Variants in IL1RAPL1 observed in about 807,000 individuals in gnomAD.
IL1RAPL1 encodes the protein interleukin-1 receptor accessory protein-like 1.
A neutral mutation model predicts 48.4 loss-of-function variants in IL1RAPL1; 3 were observed. The observed-to-expected ratio is 0.06, with a 90% CI of 0.03 to 0.16. The LOEUF (loss-of-function observed/expected upper bound fraction) is 0.16, where lower values mean the gene tolerates loss of function less well. IL1RAPL1 is among the 10% of genes least tolerant of loss of function. The pLI, the probability that IL1RAPL1 is intolerant of heterozygous loss-of-function variation, is 1.00. For synonymous variants in IL1RAPL1, 185 were observed against 187.7 expected (o/e 0.99, Z 0.12); for missense variants, 349 against 530.6 (o/e 0.66, Z 3.36).
At position 29,883,767 on chromosome X, in the gene IL1RAPL1, A is replaced by G. The variant is rs1156835457; in HGVS notation, c.779-33697A>G. 4.4e-5 allele frequency among the ~76,000 whole-genome samples: 5 copies of G among 112,382 alleles called. No individual in the cohort carries two copies. In the Admixed American group the frequency reaches 4.7e-4, roughly 11 times the overall value. ...CTGCCATAATGCAGCAACACAGGGT[A>G]TGACCTGCATCAGGCTTCATGTTTT... On this transcript the variant is annotated intron_variant, in intron 6 of 10. Transcript: ENST00000378993.
At chrX:29,641,527 C>G (rs1325536357) in intron 5 of IL1RAPL1, among the ~76,000 whole-genome samples, 1 of 112,106 alleles carries the variant, frequency 8.9e-6, no homozygotes, top group African/African-American at 3.2e-5. Flanking sequence ...TCCTCACCAG[C>G]CTTTATAAAA....
At chrX:29,267,542 A>T (rs955838487) in intron 2 of IL1RAPL1, among the ~76,000 whole-genome samples, 1 of 111,775 alleles carries the variant, frequency 8.9e-6, no homozygotes, top group Non-Finnish European at 1.9e-5. Context: ...CATGAGAACT[A>T]TCAAAGTATC....
intron 6 of IL1RAPL1, among the ~76,000 whole-genome samples, chrX:29,748,031 C>T (rs1171345703): frequency 8.9e-6 from 1 of 111,940 alleles, no homozygotes; most frequent in Non-Finnish European, 1.9e-5. Context: ...TCTCTGCTAC[C>T]TCCATGATTT....
intron 3 of IL1RAPL1, among the ~76,000 whole-genome samples, chrX:29,356,251 T>C (rs1380316903): frequency 1.8e-5 from 2 of 110,937 alleles, no homozygotes; most frequent in African/African-American, 6.5e-5. Flanking sequence ...CACGTGTGTA[T>C]CCATATATGC....
chrX:29,653,407 A>G (rs1602347309), intron 5 of IL1RAPL1, among the ~76,000 whole-genome samples: 1 of 111,810 alleles, frequency 8.9e-6, no homozygotes, highest in Admixed American at 9.5e-5. Context: ...CAATGCTACT[A>G]AGAACAAATT....
At chrX:29,565,416 A>C (rs1305505592) in intron 5 of IL1RAPL1, among the ~76,000 whole-genome samples, 1 of 111,551 alleles carries the variant, frequency 9.0e-6, no homozygotes, top group Non-Finnish European at 1.9e-5. Flanking sequence ...AATATGTATA[A>C]AACAAAAGAT....
At chrX:29,913,393 T>TACACACACACACACAC (rs775944840) in intron 6 of IL1RAPL1, among the ~76,000 whole-genome samples, 39 of 105,916 alleles carry the variant, frequency 3.7e-4, no homozygotes, top group Admixed American at 7.2e-4. Context: ...GACACAGTGA[T>TACACACACACACACAC]ACACACACAC....
chrX:29,246,535 C>T (rs1279783470), intron 2 of IL1RAPL1, among the ~76,000 whole-genome samples: 4 of 111,208 alleles, frequency 3.6e-5, no homozygotes, highest in African/African-American at 9.8e-5. Flanking sequence ...CCTCTTCTTT[C>T]GGTTTCCCTC....
chrX:29,703,682 A>T (rs1386525630), intron 6 of IL1RAPL1, among the ~76,000 whole-genome samples: 2 of 111,911 alleles, frequency 1.8e-5, no homozygotes, highest in Non-Finnish European at 3.8e-5. Context: ...TTTTTGCTTG[A>T]TTTTAAATGA....
At chrX:28,737,163 TTC>T (rs1935842762) in intron 1 of IL1RAPL1, among the ~76,000 whole-genome samples, 1 of 83,436 alleles carries the variant, frequency 1.2e-5, no homozygotes, top group African/African-American at 4.8e-5. Context: ...CCTTCCTTCC[TTC>T]CTTCCTTCCT....
intron 2 of IL1RAPL1, among the ~76,000 whole-genome samples, chrX:29,162,282 G>C (rs770061037): frequency 2.1e-4 from 23 of 111,003 alleles, no homozygotes; most frequent in African/African-American, 7.2e-4. Flanking sequence ...TAGATGATGG[G>C]TTGATAGGTG....
intron 5 of IL1RAPL1, among the ~76,000 whole-genome samples, chrX:29,470,183 G>A (rs1049967934): frequency 9.8e-5 from 11 of 111,821 alleles, no homozygotes; most frequent in African/African-American, 3.6e-4. Context: ...TTAGTCATGT[G>A]AAAGAGAATA....
intron 2 of IL1RAPL1, among the ~76,000 whole-genome samples, chrX:29,066,085 TTTTC>T (rs948065725): frequency 8.9e-6 from 1 of 112,048 alleles, no homozygotes; most frequent in African/African-American, 3.2e-5. Context: ...GGGAACACTT[TTTTC>T]TTTCTTTGTG....
intron 2 of IL1RAPL1, among the ~76,000 whole-genome samples, chrX:29,139,320 T>A (rs1929197924): frequency 9.5e-6 from 1 of 104,948 alleles, no homozygotes; most frequent in Non-Finnish European, 1.9e-5. Context: ...ATCTTGAGAG[T>A]TTCTAATGAG....
intron 6 of IL1RAPL1, among the ~76,000 whole-genome samples, chrX:29,786,478 T>C (rs1255337166): frequency 8.9e-6 from 1 of 111,760 alleles, no homozygotes; most frequent in Non-Finnish European, 1.9e-5. Context: ...AGAGGCCTGT[T>C]TCTGTTGGAG....
At chrX:29,445,301 G>T (rs1934599766) in intron 5 of IL1RAPL1, among the ~76,000 whole-genome samples, 1 of 112,151 alleles carries the variant, frequency 8.9e-6, no homozygotes, top group Admixed American at 9.5e-5. Context: ...GCACACCTTG[G>T]TTCTGAAAGG....
At chrX:29,495,242 G>C (rs1935201219) in intron 5 of IL1RAPL1, among the ~76,000 whole-genome samples, 1 of 111,745 alleles carries the variant, frequency 8.9e-6, no homozygotes, top group South Asian at 3.7e-4. Flanking sequence ...AATACAACTA[G>C]AGTTTACCAT....
chrX:29,763,396 G>A (rs934745650), intron 6 of IL1RAPL1, among the ~76,000 whole-genome samples: 12 of 111,150 alleles, frequency 1.1e-4, no homozygotes, highest in Non-Finnish European at 1.7e-4. Flanking sequence ...AAACTAATTC[G>A]TATATAATGT....
intron 2 of IL1RAPL1, among the ~76,000 whole-genome samples, chrX:29,076,708 C>T (rs774265637): frequency 6.3e-5 from 7 of 110,720 alleles, no homozygotes; most frequent in South Asian, 3.8e-4. Flanking sequence ...ATGGGAAATA[C>T]GAAAATACTT....
Sources: gnomAD v4.1 joint callset for allele counts (sites outside exome capture counted in the v4.1 genomes callset) on GRCh38, gnomAD v4.1.1 for gene constraint, MANE v1.5 for transcripts, NCBI Gene and HGNC (gene_info 2026-07-23, HGNC 2026-07-21) for gene names.